Variants in CCSER1 observed in about 807,000 individuals in gnomAD.
The protein encoded by CCSER1 is serine-rich coiled-coil domain-containing protein 1.
CCSER1 carries 41 observed loss-of-function variants against 82.0 expected under a neutral mutation model. The observed-to-expected ratio is 0.50, with a 90% confidence interval of 0.39 to 0.65. The LOEUF is 0.65. Among genes scored for constraint, CCSER1 ranks in the 30% least tolerant of loss-of-function variants. The pLI, the probability that CCSER1 is intolerant of heterozygous loss-of-function variation, is 0.00. For synonymous variants in CCSER1, 414 were observed against 383.9 expected (o/e 1.08, Z -0.92); for missense variants, 1,119 against 1,064.2 (o/e 1.05, Z -0.72).
At chr4:90,631,203 A>G (rs1724356794) in intron 6 of CCSER1, among the ~76,000 whole-genome samples, 1 of 152,112 alleles carries the variant, frequency 6.6e-6, no homozygotes, top group African/African-American at 2.4e-5. Flanking sequence ...AAGTTCACAG[A>G]TTATTTTTTA....
At chr4:90,403,602 A>G (rs1753263994) in intron 4 of CCSER1, among the ~76,000 whole-genome samples, 1 of 151,978 alleles carries the variant, frequency 6.6e-6, no homozygotes, top group Non-Finnish European at 1.5e-5. Flanking sequence ...TTCAAAAATG[A>G]TGTTTTTAAT....
intron 9 of CCSER1, among the ~76,000 whole-genome samples, chr4:91,037,281 C>T (rs890480093): frequency 2.6e-5 from 4 of 151,470 alleles, no homozygotes; most frequent in Admixed American, 6.6e-5. Flanking sequence ...CACACACACA[C>T]ATAGATGCTC....
intron 10 of CCSER1, among the ~76,000 whole-genome samples, chr4:91,203,587 A>G (rs769455463): frequency 1.9e-4 from 29 of 151,870 alleles, no homozygotes; most frequent in South Asian, 4.1e-4. Flanking sequence ...ATATACATGC[A>G]TAAACACACA....
intron 1 of CCSER1, among the ~76,000 whole-genome samples, chr4:90,147,686 C>T (rs974050669): frequency 3.3e-4 from 50 of 152,062 alleles, no homozygotes; most frequent in African/African-American, 1.2e-3. Flanking sequence ...GATATGAATA[C>T]ATCCGTAAAT....
At chr4:90,814,087 G>A (rs1057178968) in intron 7 of CCSER1, among the ~76,000 whole-genome samples, 19 of 152,290 alleles carry the variant, frequency 1.2e-4, no homozygotes, top group African/African-American at 4.3e-4. Context: ...CTGTGTGCCC[G>A]CAGGCCCAAC....
At chr4:90,561,317 A>G (rs1411769488) in intron 5 of CCSER1, among the ~76,000 whole-genome samples, 1 of 152,240 alleles carries the variant, frequency 6.6e-6, no homozygotes, top group Non-Finnish European at 1.5e-5. Context: ...GAAATAGCTT[A>G]TTTATGGATC....
intron 10 of CCSER1, among the ~76,000 whole-genome samples, chr4:91,395,363 A>T (rs1388680473): frequency 6.6e-6 from 1 of 152,062 alleles, no homozygotes; most frequent in Non-Finnish European, 1.5e-5. Context: ...TTATGTGAGG[A>T]CAGATTCAGG....
intron 1 of CCSER1, among the ~76,000 whole-genome samples, chr4:90,247,658 G>A (rs1270291578): frequency 6.6e-6 from 1 of 151,960 alleles, no homozygotes. Flanking sequence ...GAATGGAAGC[G>A]ACCATCTTAG....
chr4:90,271,854 ATATATATATTTT>A (rs1726489598), intron 1 of CCSER1, among the ~76,000 whole-genome samples: 5 of 25,666 alleles, frequency 1.9e-4, no homozygotes, highest in Admixed American at 1.6e-3. Flanking sequence ...ATATATATAT[ATATATATATTTT>A]TTTTTTTTTT....
chr4:91,412,148 C>T (rs141942501), intron 10 of CCSER1, among the ~76,000 whole-genome samples: 2 of 152,222 alleles, frequency 1.3e-5, no homozygotes, highest in African/African-American at 4.8e-5. Context: ...AGACCCATGC[C>T]CAGGTGGCCA....
At chr4:91,440,023 T>G (rs1246249571) in intron 10 of CCSER1, among the ~76,000 whole-genome samples, 1 of 151,744 alleles carries the variant, frequency 6.6e-6, no homozygotes, top group African/African-American at 2.4e-5. Flanking sequence ...ATGGGAGATT[T>G]TAACACCCCA....
At chr4:91,511,498 G>T (rs889570118) in intron 10 of CCSER1, among the ~76,000 whole-genome samples, 5 of 129,244 alleles carry the variant, frequency 3.9e-5, no homozygotes, top group Non-Finnish European at 6.5e-5. Context: ...ATAACAGGGG[G>T]TCCCTAAACC....
intron 6 of CCSER1, among the ~76,000 whole-genome samples, chr4:90,660,076 T>C (rs1730470865): frequency 6.6e-6 from 1 of 152,036 alleles, no homozygotes; most frequent in Non-Finnish European, 1.5e-5. Flanking sequence ...TATACACTGT[T>C]GGTGGAAATG....
At chr4:91,441,986 G>A (rs1347088728) in intron 10 of CCSER1, among the ~76,000 whole-genome samples, 1 of 152,038 alleles carries the variant, frequency 6.6e-6, no homozygotes, top group African/African-American at 2.4e-5. Flanking sequence ...ACAAACAAAT[G>A]GAAGAACATT....
chr4:91,428,193 A>C (rs1560662810), intron 10 of CCSER1, among the ~76,000 whole-genome samples: 1 of 152,072 alleles, frequency 6.6e-6, no homozygotes, highest in Admixed American at 6.5e-5. Flanking sequence ...AAAAATTATC[A>C]TCCATCCACT....
intron 1 of CCSER1, among the ~76,000 whole-genome samples, chr4:90,257,227 A>T (rs906719959): frequency 6.6e-6 from 1 of 152,008 alleles, no homozygotes; most frequent in Non-Finnish European, 1.5e-5. Flanking sequence ...ATATATATAT[A>T]TAGGTATATG....
At chr4:90,829,507 A>G (rs1361522281) in intron 8 of CCSER1, among the ~76,000 whole-genome samples, 1 of 152,172 alleles carries the variant, frequency 6.6e-6, no homozygotes, top group African/African-American at 2.4e-5. Context: ...GGTGGTAGAG[A>G]TCCAAGTTAC....
chr4:90,706,441 C>G (rs1238312337), intron 6 of CCSER1, among the ~76,000 whole-genome samples: 1 of 151,980 alleles, frequency 6.6e-6, no homozygotes, highest in African/African-American at 2.4e-5. Flanking sequence ...GAGACCCTGT[C>G]TCTAAAAAGT....
At chr4:90,325,793 C>A (rs1014097390) in intron 3 of CCSER1, 62 of 257,378 alleles carry the variant, frequency 2.4e-4, no homozygotes, top group African/African-American at 1.3e-3. Context: ...ATTAAATTAA[C>A]ATCAATAAAT....
Sources: allele counts gnomAD v4.1 joint callset (sites outside exome capture counted in the v4.1 genomes callset), GRCh38; gene constraint gnomAD v4.1.1; transcripts MANE v1.5; gene names NCBI Gene and HGNC (gene_info 2026-07-23, HGNC 2026-07-21).